Variants in VWC2L observed in about 807,000 individuals in gnomAD.
VWC2L encodes the protein von Willebrand factor C domain containing 2 like.
VWC2L carries 10 observed loss-of-function variants against 21.6 expected under a neutral mutation model. The observed-to-expected ratio is 0.46, with a 90% confidence interval of 0.29 to 0.78. The LOEUF (loss-of-function observed/expected upper bound fraction) is 0.78. Among genes scored for constraint, VWC2L ranks in the 30% least tolerant of loss-of-function variants. The pLI, the probability that VWC2L is intolerant of heterozygous loss-of-function variation, is 0.10. For synonymous variants in VWC2L, 96 were observed against 94.3 expected (o/e 1.02, Z -0.10); for missense variants, 209 against 277.1 (o/e 0.75, Z 1.74).
chr2:214,504,611 C>T (rs958751251), intron 3 of VWC2L, among the ~76,000 whole-genome samples: 3 of 152,168 alleles, frequency 2.0e-5, no homozygotes, highest in Non-Finnish European at 4.4e-5. Context: ...AGCTGAAAAT[C>T]GTACCCCAGT....
intron 2 of VWC2L, among the ~76,000 whole-genome samples, chr2:214,434,175 G>C (rs10193779): frequency 0.61 from 92,308 of 151,910 alleles, 28,470 homozygotes; most frequent in East Asian, 0.72. Context: ...ATCAAATATA[G>C]TCTTATCACT....
At chr2:214,454,598 CTT>C (rs34032234) in intron 3 of VWC2L, among the ~76,000 whole-genome samples, 2 of 64,134 alleles carry the variant, frequency 3.1e-5, no homozygotes, top group African/African-American at 1.3e-4. Context: ...GATTGATTTT[CTT>C]TTTTTTTTTT....
At chr2:214,491,201 C>T (rs1170962514) in intron 3 of VWC2L, among the ~76,000 whole-genome samples, 2 of 152,070 alleles carry the variant, frequency 1.3e-5, no homozygotes, top group South Asian at 4.2e-4. Flanking sequence ...CAAAAATTAG[C>T]CCATTGCATG....
chr2:214,530,099 G>GA (rs1014996760), intron 3 of VWC2L, among the ~76,000 whole-genome samples: 1 of 152,100 alleles, frequency 6.6e-6, no homozygotes, highest in Non-Finnish European at 1.5e-5. Flanking sequence ...TACCATATGA[G>GA]AAAAAAATGA....
At chr2:214,488,245 T>C (rs1688698386) in intron 3 of VWC2L, among the ~76,000 whole-genome samples, 1 of 152,224 alleles carries the variant, frequency 6.6e-6, no homozygotes, top group South Asian at 2.1e-4. Flanking sequence ...TGTTACAATT[T>C]ATGTCTCTCA....
intron 3 of VWC2L, among the ~76,000 whole-genome samples, chr2:214,573,063 A>T (rs1032854406): frequency 1.3e-5 from 2 of 152,242 alleles, no homozygotes; most frequent in Non-Finnish European, 2.9e-5. Context: ...CGATACCAGC[A>T]TATGCAGAAA....
intron 3 of VWC2L, among the ~76,000 whole-genome samples, chr2:214,442,342 TA>T (rs1702773800): frequency 6.6e-6 from 1 of 152,214 alleles, no homozygotes; most frequent in African/African-American, 2.4e-5. Flanking sequence ...CTAAAGTCTT[TA>T]AAACATTAAA....
intron 3 of VWC2L, among the ~76,000 whole-genome samples, chr2:214,538,738 C>T (rs1689580619): frequency 6.6e-6 from 1 of 151,654 alleles, no homozygotes; most frequent in African/African-American, 2.4e-5. Context: ...CTACCTTCTC[C>T]CAAGTTCATT....
intron 3 of VWC2L, among the ~76,000 whole-genome samples, chr2:214,469,287 C>G (rs1050339405): frequency 1.3e-5 from 2 of 152,072 alleles, no homozygotes; most frequent in African/African-American, 4.8e-5. Flanking sequence ...AGGTCTATAC[C>G]TCCTCACTAA....
At chr2:214,421,162 A>G (rs902756435) in intron 2 of VWC2L, among the ~76,000 whole-genome samples, 3 of 152,202 alleles carry the variant, frequency 2.0e-5, no homozygotes, top group Admixed American at 1.3e-4. Flanking sequence ...AAGTACACTA[A>G]AAGTTTTTTG....
chr2:214,491,820 A>C (rs545849310), intron 3 of VWC2L, among the ~76,000 whole-genome samples: 2 of 152,312 alleles, frequency 1.3e-5, no homozygotes, highest in South Asian at 4.1e-4. Flanking sequence ...AAAATAGAAA[A>C]AAAAAATTAC....
intron 3 of VWC2L, among the ~76,000 whole-genome samples, chr2:214,547,732 G>C (rs981159979): frequency 6.6e-6 from 1 of 152,198 alleles, no homozygotes; most frequent in Non-Finnish European, 1.5e-5. Context: ...TGAAGTGACA[G>C]ATATTCCATG....
At chr2:214,435,794 T>C (rs190566437) in intron 2 of VWC2L, among the ~76,000 whole-genome samples, 7 of 152,256 alleles carry the variant, frequency 4.6e-5, no homozygotes, top group Non-Finnish European at 5.9e-5. Context: ...TTACAAAGGA[T>C]GAGAAAGTCA....
At position 214,576,029 on chromosome 2, in the gene VWC2L, C is replaced by CA; in HGVS notation, c.*209_*210insA. 2.9e-6 allele frequency: 1 copy of CA among 348,602 alleles called. No homozygotes were observed. Among genetic ancestry groups the CA allele is most frequent in the East Asian group, 4.8e-5 (1 of 21,038 alleles). 21.6% of individuals were successfully genotyped at this position (348,602 alleles called of 1,614,324 possible). On this transcript the variant is annotated 3_prime_UTR_variant, in exon 4 of 4. Transcript: ENST00000312504. The stretch of plus-strand genomic sequence containing the variant: ...TAAAATATATATAGTATATAGCTAT[C>CA]TAAATCGCTTTTGTATTTACCAATG...
intron 3 of VWC2L, among the ~76,000 whole-genome samples, chr2:214,525,720 A>G (rs1390326425): frequency 2.0e-5 from 3 of 152,204 alleles, no homozygotes; most frequent in Non-Finnish European, 4.4e-5. Flanking sequence ...AAGTCAGTCA[A>G]TAACATTAAG....
In VWC2L at chr2:214,497,820, G is replaced by C. The variant is rs183331291; in HGVS notation, c.520+61062G>C. Among the ~76,000 whole-genome samples, 156 of 152,314 alleles carry C rather than the reference G, an allele frequency of 1.0e-3. 1 individual carries two copies. Among genetic ancestry groups the C allele is most frequent in the Middle Eastern group, 3.4e-3 (1 of 294 alleles). On this transcript the variant is annotated intron_variant, in intron 3 of 3. Coordinates refer to ENST00000312504, the MANE Select transcript of VWC2L (RefSeq NM_001080500.4). The stretch of plus-strand genomic sequence containing the variant: ...CTTCCCCAAATATTCTGCAGTTTGA[G>C]AACCGCTGCTCTCTGCTCAGCCATC...
At chr2:214,558,058 T>C (rs1689901872) in intron 3 of VWC2L, among the ~76,000 whole-genome samples, 1 of 152,222 alleles carries the variant, frequency 6.6e-6, no homozygotes, top group African/African-American at 2.4e-5. Flanking sequence ...TCAAGCAAGG[T>C]CACCAAGGAG....
intron 3 of VWC2L, among the ~76,000 whole-genome samples, chr2:214,458,422 T>A (rs957601577): frequency 1.3e-5 from 2 of 152,112 alleles, no homozygotes; most frequent in Admixed American, 1.3e-4. Context: ...TTTTAGCTTC[T>A]AATTTGTTTA....
chr2:214,506,414 C>T (rs1320158792), intron 3 of VWC2L, among the ~76,000 whole-genome samples: 1 of 152,072 alleles, frequency 6.6e-6, no homozygotes, highest in Non-Finnish European at 1.5e-5. Flanking sequence ...TTGTATTTCT[C>T]CTATACCCTT....
Sources: gnomAD v4.1 joint callset for allele counts (sites outside exome capture counted in the v4.1 genomes callset) on GRCh38, gnomAD v4.1.1 for gene constraint, MANE v1.5 for transcripts, NCBI Gene and HGNC (gene_info 2026-07-23, HGNC 2026-07-21) for gene names.